The following FAN1 variants were observed in gnomAD, a reference collection of about 807,000 sequenced individuals.
FAN1 encodes the protein FANCD2 and FANCI associated nuclease 1.
In FAN1, 91 loss-of-function variants were observed where a neutral mutation model predicts 104.9. That is an observed-to-expected ratio of 0.87 (90% CI 0.73 to 1.03). The LOEUF (loss-of-function observed/expected upper bound fraction) is 1.03. Among genes scored for constraint, FAN1 ranks in the 50% least tolerant of loss-of-function variants. The pLI is 0.00. For synonymous variants in FAN1, 478 were observed against 457.6 expected (o/e 1.04, Z -0.57); for missense variants, 1,263 against 1,239.9 (o/e 1.02, Z -0.28).
chr15:30,927,443 G>A (rs2062493397), intron 10 of FAN1: 2 of 985,654 alleles, frequency 2.0e-6, no homozygotes, highest in Non-Finnish European at 2.4e-6. Context: ...CTGCAGGGAT[G>A]AGGGGCTAGA....
Position 30,928,633 on chromosome 15 carries a change from G to C in FAN1, c.2569G>C (p.Asp857His), listed in dbSNP as rs139319999. ...CATCATCTTCATGGATGGGATTCCG[G>C]ATGTCTTCAGAAACGCCTGTCAGGT... ...WDIIFMDGIP[D>H]VFRNACQAFP... Residue 857 changes from aspartate to histidine, a missense_variant, in exon 11 of 15, where the codon GAT (aspartate) becomes CAT (histidine). By Grantham distance (81) the Asp-to-His change is moderately conservative (BLOSUM62 -1). Transcript: ENST00000362065. 1.4e-5 allele frequency: 22 copies of C among 1,613,784 alleles called. No individual in the cohort carries two copies. In the African/African-American group the frequency reaches 2.8e-4, roughly 21 times the overall value.
chr15:30,935,798 C>G (rs1052102861), intron 13 of FAN1, among the ~76,000 whole-genome samples: 1 of 152,134 alleles, frequency 6.6e-6, no homozygotes, highest in Non-Finnish European at 1.5e-5. Flanking sequence ...AAATATTAGT[C>G]TACTGTCTTC....
intron 14 of FAN1, chr15:30,940,285 T>C (rs956920658): frequency 2.1e-6 from 2 of 960,948 alleles, no homozygotes; most frequent in African/African-American, 3.6e-5. Context: ...TACTTTACTT[T>C]AGAGAGATTC....
At chr15:30,918,711 C>A (rs1173700119) in intron 6 of FAN1, among the ~76,000 whole-genome samples, 1 of 152,134 alleles carries the variant, frequency 6.6e-6, no homozygotes, top group African/African-American at 2.4e-5. Flanking sequence ...ACAGCTCAAG[C>A]GAACTTTCCA....
At chr15:30,931,057 TAA>T (rs1029507706) in intron 13 of FAN1, among the ~76,000 whole-genome samples, 2 of 152,218 alleles carry the variant, frequency 1.3e-5, no homozygotes, top group African/African-American at 2.4e-5. Flanking sequence ...TAAAATGACT[TAA>T]AGAGTATAAT....
intron 7 of FAN1, 105 bp from the exon 8 acceptor site, chr15:30,922,130 G>A (rs2062347430): frequency 7.2e-7 from 1 of 1,385,264 alleles, no homozygotes; most frequent in African/African-American, 1.5e-5. Flanking sequence ...AGAATGGAAA[G>A]ATACGCATTA....
Position 30,942,849 on chromosome 15 carries a change from T to G in FAN1, c.*1287T>G. 1.3e-6 allele frequency: 2 copies of G among 1,516,072 alleles called. No homozygotes were observed. The highest frequency in any genetic ancestry group is 1.8e-6 in the Non-Finnish European group (2 of 1,122,230). The allele number at this position is 1,516,072 out of a possible 1,614,324, so 93.9% of individuals were successfully genotyped here. A position where few individuals can be genotyped will look rare whatever the true frequency, so the allele number is the denominator to read the frequency against. On this transcript the variant is annotated 3_prime_UTR_variant, in exon 15 of 15. Transcript: ENST00000362065. ...CTGTTCTGAAAAAGAGGTGTTTGGT[T>G]ACGTGTGAGCCAACATCACGTTTTG...
In FAN1 at chr15:30,914,907, T is replaced by C. The variant is rs2062170813; in HGVS notation, c.1811+816T>C. Among the ~76,000 whole-genome samples, 4 of 152,332 alleles carry C rather than the reference T, an allele frequency of 2.6e-5. No homozygotes were observed. The South Asian group carries it at 8.3e-4, about 32-fold the overall frequency. ...TTGGTTTGTCCAATAAAAGTAGATT[T>C]TGAACTAAAAGTAGAACTACCATGT... On this transcript the variant is annotated intron_variant, in intron 5 of 14. Transcript: ENST00000362065.
chr15:30,928,752 A>G lies in FAN1; in HGVS notation c.2592+96A>G. ...CGTGTGTCCACAGCCAGCAGAAACC[A>G]TCTCTGTTACGGTCCTTTGGGTCAT... is the stretch of plus-strand genomic sequence containing the variant. On this transcript the variant is annotated intron_variant, in intron 11 of 14. Transcript: ENST00000362065. The G allele has an allele frequency of 2.5e-6, 4 of 1,583,694 alleles. No individual in the cohort carries two copies. In the East Asian group the frequency reaches 9.0e-5, roughly 36 times the overall value.
chr15:30,936,672 G>A (rs1566936843), intron 13 of FAN1, among the ~76,000 whole-genome samples: 1 of 152,140 alleles, frequency 6.6e-6, no homozygotes, highest in Non-Finnish European at 1.5e-5. Context: ...AGTTGAAAAT[G>A]CATTTAACAT....
chr15:30,939,009 A>G, intron 14 of FAN1: 7 of 985,352 alleles, frequency 7.1e-6, no homozygotes, highest in Non-Finnish European at 6.0e-6. Flanking sequence ...GAACAACAAG[A>G]TAACACATCT....
In FAN1 at chr15:30,904,756, T is replaced by G. The variant is rs781134478; in HGVS notation, c.93T>G (p.Ile31Met). 7 of 1,613,094 alleles carry G rather than the reference T, an allele frequency of 4.3e-6. No homozygotes were observed. The Middle Eastern group carries it at 6.6e-4, about 152-fold the overall frequency. ...AGAAAAAAGCATCTAATTCTATTAT[T>G]TCGTGTTTTAACAATGCACCACCTG... Reference protein sequence around the residue: ...KNKKKASNSIISCFNNAPPAK... With the variant: ...KNKKKASNSIMSCFNNAPPAK... The change falls in exon 2 of 15, where the codon ATT (isoleucine) becomes ATG (methionine). Residue 31 changes from isoleucine (I) to methionine (M), a missense_variant. By Grantham distance (10) the Ile-to-Met change is conservative (BLOSUM62 1). Around this residue, in one of 2 missense-constraint regions of FAN1, gnomAD observed 682 missense variants for 571.1 expected, o/e 1.19. Transcript: ENST00000362065.
In FAN1 at chr15:30,929,584, TTA is replaced by T. The variant is rs1566929190; in HGVS notation, c.2787+193_2787+194del. Among the ~76,000 whole-genome samples, 6 of 133,304 alleles carry T rather than the reference TTA, an allele frequency of 4.5e-5. No individual in the cohort carries two copies. The South Asian group carries it at 8.7e-4, about 19-fold the overall frequency. 87.5% of individuals were successfully genotyped at this position (133,304 alleles called of 152,430 possible). On this transcript the variant is annotated intron_variant, in intron 12 of 14. Coordinates refer to ENST00000362065, the MANE Select transcript of FAN1 (RefSeq NM_014967.5). ...TTATATCTTTATTATATTTATTATA[TTA>T]TATATTATATATTACATATTACATA...
chr15:30,914,500 G>A (rs561469033), intron 5 of FAN1, among the ~76,000 whole-genome samples: 1 of 152,234 alleles, frequency 6.6e-6, no homozygotes, highest in East Asian at 1.9e-4. Flanking sequence ...AAGTAGCTGG[G>A]ACCACAGGCA....
rs911415109 is a variant in FAN1, at chr15:30,918,183, A to G, written c.1831A>G (p.Met611Val). 2.5e-6 allele frequency: 4 copies of G among 1,613,954 alleles called. No individual in the cohort carries two copies. Among genetic ancestry groups the G allele is most frequent in the Admixed American group, 3.3e-5 (2 of 60,006 alleles). The change falls in exon 6 of 15, where the codon ATG (methionine) becomes GTG (valine). Residue 611 changes from methionine (M) to valine (V), a missense_variant. By Grantham distance (21) the Met-to-Val change is conservative. Around this residue, in one of 2 missense-constraint regions of FAN1, gnomAD observed 581 missense variants for 668.8 expected, o/e 0.87. Coordinates refer to ENST00000362065, the MANE Select transcript of FAN1 (RefSeq NM_014967.5). ...DLIRYAAATH[M>V]LSDISSAMAN... is the part of the protein sequence containing the mutation. Reference sequence around the variant, plus strand: ...CTCCAGATATGCAGCAGCCACGCACATGCTGAGTGACATTTCTTCCGCAAT... The same window carrying G: ...CTCCAGATATGCAGCAGCCACGCACGTGCTGAGTGACATTTCTTCCGCAAT...
chr15:30,939,263 T>C, intron 14 of FAN1: 1 of 985,482 alleles, frequency 1.0e-6, no homozygotes, highest in Non-Finnish European at 1.2e-6. Context: ...ACTGTACACC[T>C]TTACGTTCAA....
chr15:30,939,581 CTAT>C (rs2062969388), intron 14 of FAN1: 1 of 950,774 alleles, frequency 1.1e-6, no homozygotes, highest in African/African-American at 1.8e-5. Flanking sequence ...ATGCATTTTT[CTAT>C]TTTTAACCAT....
At position 30,942,014 on chromosome 15, in the gene FAN1, CT is replaced by C; in HGVS notation, c.*453del. ...TCTCCTTGGAAGTAATTCTTGGTCACTGATGATTCCATTCTTTAAGGCAGAC... is the reference window on the plus strand; with the variant it reads ...TCTCCTTGGAAGTAATTCTTGGTCACGATGATTCCATTCTTTAAGGCAGAC... On this transcript the variant is annotated 3_prime_UTR_variant, in exon 15 of 15. Transcript: ENST00000362065. The C allele has an allele frequency of 6.2e-7, 1 of 1,613,944 alleles. No homozygotes were observed. The highest frequency in any genetic ancestry group is 8.5e-7 in the Non-Finnish European group (1 of 1,179,886).
intron 3 of FAN1, among the ~76,000 whole-genome samples, chr15:30,909,101 G>A (rs1017464275): frequency 9.2e-5 from 14 of 151,452 alleles, no homozygotes; most frequent in African/African-American, 2.9e-4. Context: ...TCGTTGTCTT[G>A]TCAGTAGCAT....
Sources: allele counts gnomAD v4.1 joint callset (sites outside exome capture counted in the v4.1 genomes callset), GRCh38; gene constraint gnomAD v4.1.1; regional missense constraint gnomAD v4.1.1; transcripts MANE v1.5; gene names NCBI Gene and HGNC (gene_info 2026-07-23, HGNC 2026-07-21).